DLGAP2: variants seen among roughly 807,000 people sequenced by gnomAD.
DLGAP2 encodes the protein disks large-associated protein 2.
In DLGAP2, 26 loss-of-function variants were observed where a neutral mutation model predicts 100.3. The ratio of observed to expected loss-of-function variants is 0.26; its 90% CI spans 0.19 to 0.36. The LOEUF is 0.36. Ranked by LOEUF, DLGAP2 falls within the 10% of genes least tolerant of loss-of-function variation. DLGAP2 has a pLI of 1.00. For missense variants in DLGAP2, 1,858 were observed against 1,453.2 expected, an observed-to-expected ratio of 1.28 and a Z score of -4.53; for synonymous variants, 886 against 630.1, an observed-to-expected ratio of 1.41 and a Z score of -6.08.
intron 8 of DLGAP2, among the ~76,000 whole-genome samples, chr8:1,667,617 C>G (rs907764702): frequency 6.6e-6 from 1 of 152,224 alleles, no homozygotes; most frequent in Non-Finnish European, 1.5e-5. Context: ...AGCCCAAGAG[C>G]AGACAGTGCC....
At chr8:1,509,325 G>C (rs1383012229) in intron 4 of DLGAP2, among the ~76,000 whole-genome samples, 1 of 83,858 alleles carries the variant, frequency 1.2e-5, no homozygotes, top group Non-Finnish European at 2.5e-5. Context: ...GCAAGACTCC[G>C]TCCAAAAAAA....
intron 8 of DLGAP2, among the ~76,000 whole-genome samples, chr8:1,634,537 G>A (rs535988405): frequency 7.2e-5 from 11 of 152,224 alleles, no homozygotes; most frequent in African/African-American, 2.4e-4. Context: ...TGAAGTCCTG[G>A]GCCAGTTCTC....
At chr8:1,309,900 GC>G (rs1400769599) in intron 3 of DLGAP2, among the ~76,000 whole-genome samples, 1 of 152,158 alleles carries the variant, frequency 6.6e-6, no homozygotes, top group African/African-American at 2.4e-5. Flanking sequence ...TTCAAGACCA[GC>G]CTAGCCAACA....
intron 2 of DLGAP2, among the ~76,000 whole-genome samples, chr8:1,211,314 T>A (rs1196455178): frequency 1.3e-5 from 2 of 152,210 alleles, no homozygotes; most frequent in Non-Finnish European, 2.9e-5. Context: ...CAGTGGAGCC[T>A]GTGAGGGCTT....
intron 2 of DLGAP2, among the ~76,000 whole-genome samples, chr8:1,253,865 TG>T (rs1368726279): frequency 2.0e-5 from 3 of 152,228 alleles, no homozygotes; most frequent in Non-Finnish European, 4.4e-5. Flanking sequence ...AAAGGGTCCG[TG>T]CTGCTGTGAG....
At position 837,497 on chromosome 8, in the gene DLGAP2, A is replaced by G. The variant is rs527847360; in HGVS notation, c.19-70415A>G. Among the ~76,000 whole-genome samples the G allele has an allele frequency of 3.9e-5, 6 of 152,276 alleles. No homozygotes were observed. In the South Asian group the frequency reaches 1.2e-3, roughly 32 times the overall value. ...GAATCCTTCTTTTCAACATTTTTAT[A>G]GCGTGTTCATCACCATCCCTAGTTT... On this transcript the variant is annotated intron_variant, in intron 1 of 14. Coordinates refer to ENST00000637795, the MANE Select transcript of DLGAP2 (RefSeq NM_001346810.2).
At chr8:1,692,427 C>G (rs1472577303) in intron 13 of DLGAP2, among the ~76,000 whole-genome samples, 1 of 145,524 alleles carries the variant, frequency 6.9e-6, no homozygotes, top group Non-Finnish European at 1.5e-5. Context: ...GGATACGGCC[C>G]TGGTTTAAAC....
At chr8:1,166,006 ATTAT>A (rs1255573699) in intron 2 of DLGAP2, among the ~76,000 whole-genome samples, 1 of 152,194 alleles carries the variant, frequency 6.6e-6, no homozygotes, top group Non-Finnish European at 1.5e-5. Flanking sequence ...AATGTGGCTA[ATTAT>A]TAAGAAAACT....
chr8:1,622,943 GC>G (rs1186456360), intron 6 of DLGAP2, among the ~76,000 whole-genome samples: 16 of 152,134 alleles, frequency 1.1e-4, no homozygotes, highest in African/African-American at 3.6e-4. Flanking sequence ...ACCTGGCGGG[GC>G]CACCGGAGGG....
chr8:997,525 T>C (rs893464232), intron 2 of DLGAP2, among the ~76,000 whole-genome samples: 1 of 152,152 alleles, frequency 6.6e-6, no homozygotes, highest in Non-Finnish European at 1.5e-5. Context: ...CAGTATAAAA[T>C]GTAGAAGCAC....
intron 1 of DLGAP2, among the ~76,000 whole-genome samples, chr8:755,161 G>C (rs1820890494): frequency 1.3e-5 from 2 of 152,120 alleles, no homozygotes; most frequent in African/African-American, 2.4e-5. Flanking sequence ...GTGTTTTCTG[G>C]ATTTAGAGTC....
chr8:1,497,180 C>T (rs1007960281), intron 3 of DLGAP2, among the ~76,000 whole-genome samples: 1 of 152,160 alleles, frequency 6.6e-6, no homozygotes, highest in African/African-American at 2.4e-5. Context: ...TGTGCATTCC[C>T]ACGCGTGAAT....
At chr8:1,089,529 C>T (rs1760566030) in intron 2 of DLGAP2, among the ~76,000 whole-genome samples, 2 of 152,224 alleles carry the variant, frequency 1.3e-5, no homozygotes, top group African/African-American at 4.8e-5. Context: ...ATCTCTGTCT[C>T]TGCAGAGACT....
intron 2 of DLGAP2, among the ~76,000 whole-genome samples, chr8:1,077,786 CT>C (rs1200910370): frequency 2.0e-5 from 3 of 152,172 alleles, no homozygotes; most frequent in Non-Finnish European, 4.4e-5. Flanking sequence ...GTTTATCAAA[CT>C]CCCCTTTTCC....
At chr8:883,782 C>A (rs894736783) in intron 1 of DLGAP2, among the ~76,000 whole-genome samples, 2 of 152,272 alleles carry the variant, frequency 1.3e-5, no homozygotes, top group South Asian at 2.1e-4. Flanking sequence ...CTGTAAGTTT[C>A]CTCCCCCCAC....
intron 2 of DLGAP2, among the ~76,000 whole-genome samples, chr8:952,468 C>T (rs532233537): frequency 9.9e-5 from 15 of 152,258 alleles, no homozygotes; most frequent in South Asian, 6.2e-4. Flanking sequence ...GAAACCCCGT[C>T]TCTACTAAAA....
At chr8:1,210,041 C>T (rs918027368) in intron 2 of DLGAP2, among the ~76,000 whole-genome samples, 1 of 149,028 alleles carries the variant, frequency 6.7e-6, no homozygotes, top group African/African-American at 2.6e-5. Flanking sequence ...TCCACCTCGC[C>T]CCAGTGTCTT....
intron 8 of DLGAP2, among the ~76,000 whole-genome samples, chr8:1,655,855 T>C (rs550806224): frequency 6.6e-6 from 1 of 152,344 alleles, no homozygotes; most frequent in East Asian, 1.9e-4. Context: ...GGCCTCTTCA[T>C]GCAGGACATG....
chr8:785,057 A>G (rs1378474143), intron 1 of DLGAP2, among the ~76,000 whole-genome samples: 2 of 151,616 alleles, frequency 1.3e-5, no homozygotes, highest in Non-Finnish European at 2.9e-5. Flanking sequence ...AATACAAAAC[A>G]ATACAAAACA....
Sources: allele counts gnomAD v4.1 joint callset (sites outside exome capture counted in the v4.1 genomes callset), GRCh38; gene constraint gnomAD v4.1.1; transcripts MANE v1.5; gene names NCBI Gene and HGNC (gene_info 2026-07-23, HGNC 2026-07-21).